The following SCN8A variants were observed in gnomAD, a reference collection of about 807,000 sequenced individuals.
SCN8A encodes sodium voltage-gated channel alpha subunit 8, also known as sodium channel protein type 8 subunit alpha.
Under a neutral mutation model 184.1 loss-of-function variants are expected in SCN8A, and 30 were observed. The ratio of observed to expected loss-of-function variants is 0.16; its 90% confidence interval spans 0.12 to 0.22. The LOEUF (loss-of-function observed/expected upper bound fraction) is 0.22, where lower values mean the gene tolerates loss of function less well. SCN8A is among the 10% of genes least tolerant of loss of function. The pLI is 1.00. For synonymous variants in SCN8A, 852 were observed against 907.0 expected, an observed-to-expected ratio of 0.94 and a Z score of 1.09; for missense variants, 1,057 against 2,498.9, an observed-to-expected ratio of 0.42 and a Z score of 12.30.
chr12:51,617,973 G>C (rs1939876283), intron 1 of SCN8A, among the ~76,000 whole-genome samples: 1 of 152,148 alleles, frequency 6.6e-6, no homozygotes, highest in Non-Finnish European at 1.5e-5. Flanking sequence ...ACAGCTTGGA[G>C]ATGAGCCCCG....
intron 25 of SCN8A, among the ~76,000 whole-genome samples, chr12:51,792,774 TCTCTGTTAACCAGG>T (rs770334984): frequency 2.0e-5 from 3 of 152,108 alleles, no homozygotes; most frequent in Non-Finnish European, 4.4e-5. Flanking sequence ...ACAGAGTCTC[TCTCTGTTAACCAGG>T]CTGGAGTGCA....
intron 1 of SCN8A, among the ~76,000 whole-genome samples, chr12:51,656,672 A>AGGG (rs1232647963): frequency 1.3e-5 from 2 of 152,210 alleles, no homozygotes; most frequent in African/African-American, 2.4e-5. Flanking sequence ...TGGCCAATCA[A>AGGG]CCTTTGAGAA....
At chr12:51,786,000 G>A (rs1267476166) in intron 21 of SCN8A, among the ~76,000 whole-genome samples, 1 of 152,062 alleles carries the variant, frequency 6.6e-6, no homozygotes, top group Non-Finnish European at 1.5e-5. Flanking sequence ...TCTTGAGCCT[G>A]CAAAATATGC....
At chr12:51,655,055 C>T (rs1169211233) in intron 1 of SCN8A, among the ~76,000 whole-genome samples, 3 of 152,030 alleles carry the variant, frequency 2.0e-5, no homozygotes, top group African/African-American at 2.4e-5. Context: ...ATGTACACCA[C>T]GCCCAGCTAA....
intron 14 of SCN8A, among the ~76,000 whole-genome samples, chr12:51,762,125 C>T (rs893103539): frequency 4.6e-5 from 7 of 152,072 alleles, no homozygotes; most frequent in Admixed American, 1.3e-4. Context: ...AATCATAACG[C>T]GAGTGATTTT....
At chr12:51,654,261 T>C (rs1036030870) in intron 1 of SCN8A, among the ~76,000 whole-genome samples, 1 of 152,224 alleles carries the variant, frequency 6.6e-6, no homozygotes, top group African/African-American at 2.4e-5. Context: ...TAAGAAATCA[T>C]TGACAGATCC....
At chr12:51,720,793 C>T (rs919605683) in intron 11 of SCN8A, among the ~76,000 whole-genome samples, 1 of 151,888 alleles carries the variant, frequency 6.6e-6, no homozygotes, top group African/African-American at 2.4e-5. Context: ...TGGCCAGGAG[C>T]GGTGGCTTAT....
At position 51,784,534 on chromosome 12, in the gene SCN8A, G is replaced by A. The variant is rs1295880958; in HGVS notation, c.3943-2008G>A. Among the ~76,000 whole-genome samples, 6 of 152,184 alleles carry A rather than the reference G, an allele frequency of 3.9e-5. No individual in the cohort carries two copies. The South Asian group carries it at 8.3e-4, about 21-fold the overall frequency. Reference sequence around the variant, plus strand: ...AGATTGCACCACTGCACTCCAGCCTGGTCGACAGAGTGAGACCCTTTCTCA... The same window carrying A: ...AGATTGCACCACTGCACTCCAGCCTAGTCGACAGAGTGAGACCCTTTCTCA... On this transcript the variant is annotated intron_variant, in intron 21 of 26. Transcript: ENST00000627620.
intron 1 of SCN8A, among the ~76,000 whole-genome samples, chr12:51,621,563 C>T (rs2138597516): frequency 6.6e-6 from 1 of 152,344 alleles, no homozygotes; most frequent in South Asian, 2.1e-4. Context: ...CAGACTAGGA[C>T]ATTGCTAGTA....
intron 6 of SCN8A, among the ~76,000 whole-genome samples, chr12:51,697,846 T>C (rs976609935): frequency 6.6e-5 from 10 of 152,192 alleles, no homozygotes; most frequent in Non-Finnish European, 1.0e-4. Flanking sequence ...TTTGTTTTTT[T>C]GTTGTTGTTG....
intron 21 of SCN8A, among the ~76,000 whole-genome samples, chr12:51,783,349 C>T (rs1348960114): frequency 6.6e-6 from 1 of 152,016 alleles, no homozygotes; most frequent in East Asian, 1.9e-4. Flanking sequence ...TATATGCCAA[C>T]ACTTGAGAGA....
At chr12:51,675,065 T>G (rs2138691854) in intron 2 of SCN8A, among the ~76,000 whole-genome samples, 1 of 152,360 alleles carries the variant, frequency 6.6e-6, no homozygotes, top group Non-Finnish European at 1.5e-5. Context: ...ATAATAAGCC[T>G]GCATTTTGCT....
Position 51,769,128 on chromosome 12 carries a change from G to A in SCN8A, c.3165G>A (p.Arg1055=). ...IANHTGADIH[R]NGDFQKNGNG... ...ATCACACCGGTGCAGACATCCACCG[G>A]AATGGTGACTTCCAGAAGAATGGCA... The change falls in exon 17 of 27, where the codon CGG becomes CGA. Residue 1055 remains arginine, a synonymous_variant. Transcript: ENST00000627620. 6.2e-7 allele frequency: 1 copy of A among 1,613,390 alleles called. No individual in the cohort carries two copies. Among genetic ancestry groups the A allele is most frequent in the Non-Finnish European group, 8.5e-7 (1 of 1,179,626 alleles).
intron 1 of SCN8A, among the ~76,000 whole-genome samples, chr12:51,650,111 G>A (rs1940676481): frequency 2.0e-5 from 3 of 152,196 alleles, no homozygotes; most frequent in South Asian, 4.1e-4. Context: ...AACGTAGCAA[G>A]AGTCACCTTT....
At chr12:51,639,338 A>G (rs908567338) in intron 1 of SCN8A, among the ~76,000 whole-genome samples, 4 of 152,212 alleles carry the variant, frequency 2.6e-5, no homozygotes, top group Non-Finnish European at 5.9e-5. Context: ...TGACAACAAT[A>G]TATTTAGAAT....
chr12:51,657,484 T>A (rs909473487), intron 1 of SCN8A, among the ~76,000 whole-genome samples: 18 of 152,134 alleles, frequency 1.2e-4, no homozygotes, highest in African/African-American at 4.3e-4. Context: ...AATTATTTAG[T>A]CTTTTGCTGT....
chr12:51,623,753 A>G lies in SCN8A; in HGVS notation c.-55+32394A>G, dbSNP rs553433811. Among the ~76,000 whole-genome samples, 104 of 152,224 alleles carry G rather than the reference A, an allele frequency of 6.8e-4. 1 individual carries two copies. Among genetic ancestry groups the G allele is most frequent in the African/African-American group, 2.4e-3 (99 of 41,524 alleles). On this transcript the variant is annotated intron_variant, in intron 1 of 26. Coordinates refer to ENST00000627620, the MANE Select transcript of SCN8A (RefSeq NM_001330260.2). ...AACATTAGGTATATCTTCTAATGCT[A>G]TCCCTTCCTCCTCCCCCCACCCCAC...
At chr12:51,802,003 G>A (rs1182944401) in intron 26 of SCN8A, among the ~76,000 whole-genome samples, 2 of 152,056 alleles carry the variant, frequency 1.3e-5, no homozygotes, top group African/African-American at 4.8e-5. Context: ...TGCAGTGAGT[G>A]GAGATTGCAC....
At chr12:51,621,914 G>A (rs2138598104) in intron 1 of SCN8A, among the ~76,000 whole-genome samples, 1 of 152,322 alleles carries the variant, frequency 6.6e-6, no homozygotes, top group Non-Finnish European at 1.5e-5. Flanking sequence ...CCTCTGGTAA[G>A]GAAGCATCTG....
Sources: gnomAD v4.1 joint callset for allele counts (sites outside exome capture counted in the v4.1 genomes callset) on GRCh38, gnomAD v4.1.1 for gene constraint, MANE v1.5 for transcripts, NCBI Gene and HGNC (gene_info 2026-07-23, HGNC 2026-07-21) for gene names.